XK: variants seen among roughly 807,000 people sequenced by gnomAD.
XK encodes endoplasmic reticulum membrane adapter protein XK.
In XK, 2 loss-of-function variants were observed where a neutral mutation model predicts 14.0. The ratio of observed to expected loss-of-function variants is 0.14; its 90% confidence interval spans 0.06 to 0.45. The LOEUF is 0.45. XK is among the 20% of genes least tolerant of loss of function. XK has a pLI of 0.98. For missense variants in XK, 235 were observed against 341.5 expected, an observed-to-expected ratio of 0.69 and a Z score of 2.46; for synonymous variants, 149 against 147.5, an observed-to-expected ratio of 1.01 and a Z score of -0.08.
At chrX:37,686,242 A>G (rs782622036) in intron 1 of XK, 36 bp downstream of exon 1, 2 of 1,197,311 alleles carry the variant, frequency 1.7e-6, no homozygotes, top group Admixed American at 4.4e-5. Context: ...CCCAGGCCGC[A>G]GCCTCGGTCC....
intron 2 of XK, among the ~76,000 whole-genome samples, chrX:37,702,104 G>A (rs1927428875): frequency 8.9e-6 from 1 of 111,801 alleles, no homozygotes; most frequent in South Asian, 3.7e-4. Flanking sequence ...GCCAGGGGAG[G>A]GGGTGCTGCT....
At chrX:37,687,834 T>A (rs1927114307) in intron 1 of XK, among the ~76,000 whole-genome samples, 2 of 110,425 alleles carry the variant, frequency 1.8e-5, no homozygotes, top group Non-Finnish European at 3.8e-5. Flanking sequence ...GGGAGGTTGC[T>A]GCTGACTTCT....
intron 2 of XK, among the ~76,000 whole-genome samples, chrX:37,704,176 A>G (rs1442761388): frequency 3.6e-5 from 4 of 111,534 alleles, no homozygotes; most frequent in Non-Finnish European, 7.5e-5. Flanking sequence ...TTCTTTGCTG[A>G]AGACAAAATC....
intron 2 of XK, among the ~76,000 whole-genome samples, chrX:37,710,583 G>T (rs1426153562): frequency 9.0e-6 from 1 of 111,410 alleles, no homozygotes; most frequent in Non-Finnish European, 1.9e-5. Context: ...ATTACCTGAG[G>T]TCAGGAGTTC....
intron 2 of XK, among the ~76,000 whole-genome samples, chrX:37,695,612 A>G (rs1239569460): frequency 8.9e-6 from 1 of 112,135 alleles, no homozygotes; most frequent in Non-Finnish European, 1.9e-5. Flanking sequence ...GAAAAAATAC[A>G]TGTTTAAGAA....
intron 2 of XK, among the ~76,000 whole-genome samples, chrX:37,705,354 A>C (rs1927500889): frequency 9.1e-6 from 1 of 109,879 alleles, no homozygotes; most frequent in Non-Finnish European, 1.9e-5. Flanking sequence ...TGGGAGGCTG[A>C]GGCAGGAGAA....
intron 2 of XK, among the ~76,000 whole-genome samples, chrX:37,698,543 CAAAAA>C (rs35497516): frequency 3.7e-5 from 1 of 26,990 alleles, no homozygotes; most frequent in Non-Finnish European, 7.0e-5. Context: ...GACCTTGCCT[CAAAAA>C]AAAAAAAAAA....
chrX:37,709,722 A>G (rs1250251668), intron 2 of XK, among the ~76,000 whole-genome samples: 1 of 112,461 alleles, frequency 8.9e-6, no homozygotes, highest in Non-Finnish European at 1.9e-5. Flanking sequence ...TATTCAATTT[A>G]TATAAGCAGT....
chrX:37,687,170 CTCTCTCTCTT>C lies in XK; in HGVS notation c.245+974_245+983del, dbSNP rs1231629464. 4.2e-4 allele frequency among the ~76,000 whole-genome samples: 43 copies of C among 103,385 alleles called. 1 individual carries two copies. Among genetic ancestry groups the C allele is most frequent in the Admixed American group, 3.9e-3 (37 of 9,550 alleles). The allele number at this position is 103,385 out of a possible 115,157, so 89.8% of individuals were successfully genotyped here. On this transcript the variant is annotated intron_variant, in intron 1 of 2. Transcript: ENST00000378616. ...GCCCTACCAGGAAATCTCTCTCTCT[CTCTCTCTCTT>C]TCTCTCTCTCTCTTACACACACACA... is the stretch of plus-strand genomic sequence containing the variant.
chrX:37,692,583 T>G (rs888599700), intron 1 of XK, among the ~76,000 whole-genome samples: 7 of 111,407 alleles, frequency 6.3e-5, no homozygotes, highest in African/African-American at 2.0e-4. Flanking sequence ...TAATTTTTAG[T>G]AGAGATGTGG....
chrX:37,694,239 G>A, intron 1 of XK, 47 bp from the exon 2 acceptor site: 1 of 1,206,199 alleles, frequency 8.3e-7, no homozygotes, highest in Non-Finnish European at 1.1e-6. Flanking sequence ...TGGAAAGTCA[G>A]AATCCTGTCT....
At chrX:37,703,160 A>G (rs1927446935) in intron 2 of XK, among the ~76,000 whole-genome samples, 1 of 112,343 alleles carries the variant, frequency 8.9e-6, no homozygotes, top group African/African-American at 3.2e-5. Context: ...ATCTAATGAA[A>G]AGCAGTAAAC....
At chrX:37,717,173 A>T (rs1480665436) in intron 2 of XK, among the ~76,000 whole-genome samples, 5 of 111,656 alleles carry the variant, frequency 4.5e-5, no homozygotes, top group Non-Finnish European at 9.4e-5. Flanking sequence ...TTTTAAGGGT[A>T]GCAGACTCCT....
At chrX:37,687,764 T>G (rs1927113163) in intron 1 of XK, among the ~76,000 whole-genome samples, 1 of 111,666 alleles carries the variant, frequency 9.0e-6, no homozygotes, top group South Asian at 3.8e-4. Context: ...AACAAATTTC[T>G]CAGCCTCCAG....
chrX:37,729,952 A>G lies in XK; in HGVS notation c.*1490A>G, dbSNP rs2146835894. 8.9e-6 allele frequency: 1 copy of G among 111,976 alleles called. No individual in the cohort carries two copies. The highest frequency in any genetic ancestry group is 3.8e-4 in the South Asian group (1 of 2,666). The allele number at this position is 111,976 out of a possible 1,213,427, so 9.2% of individuals were successfully genotyped here. On this transcript the variant is annotated 3_prime_UTR_variant, in exon 3 of 3. Coordinates refer to ENST00000378616, the MANE Select transcript of XK (RefSeq NM_021083.4). ...CAGGAGAAAATGCAATTTGATAATC[A>G]GTTTCCACTACATTCGGAGGTCAAG... is the stretch of plus-strand genomic sequence containing the variant.
intron 1 of XK, among the ~76,000 whole-genome samples, chrX:37,688,878 G>A (rs920634879): frequency 1.8e-5 from 2 of 111,689 alleles, no homozygotes; most frequent in Non-Finnish European, 3.8e-5. Flanking sequence ...GTGGGGTTAT[G>A]AGTGATAATA....
In XK at chrX:37,731,161, T is replaced by C. The variant is rs1928079447; in HGVS notation, c.*2699T>C. 1 of 112,438 alleles carries C rather than the reference T, an allele frequency of 8.9e-6. No homozygotes were observed. Among genetic ancestry groups the C allele is most frequent in the Admixed American group, 9.4e-5 (1 of 10,638 alleles). The allele number at this position is 112,438 out of a possible 1,213,427, so 9.3% of individuals were successfully genotyped here. ...TGGCATAAAACAAACCAGCAACTTT[T>C]CTCATGTGTTTGGAGTTAAAATGTG... is the stretch of plus-strand genomic sequence containing the variant. On this transcript the variant is annotated 3_prime_UTR_variant, in exon 3 of 3. Transcript: ENST00000378616.
intron 2 of XK, among the ~76,000 whole-genome samples, chrX:37,714,549 A>G (rs1193821627): frequency 9.0e-6 from 1 of 111,041 alleles, no homozygotes; most frequent in Non-Finnish European, 1.9e-5. Context: ...AGAGAATAGG[A>G]TCTTCTGTAA....
Position 37,728,223 on chromosome X carries a change from A to G in XK, c.1096A>G (p.Met366Val). Residue 366 changes from methionine (M) to valine (V), a missense_variant, in exon 3 of 3, where the codon ATG becomes GTG. Transcript: ENST00000378616. ...TGGGTACTGCACAGCCATTCTCTTC[A>G]TGCTTGTATTCTATCAGTTCTTCCA... ...LIGYCTAILF[M>V]LVFYQFFHPC... 1 of 1,211,084 alleles carries G rather than the reference A, an allele frequency of 8.3e-7. No homozygotes were observed. Among genetic ancestry groups the G allele is most frequent in the Non-Finnish European group, 1.1e-6 (1 of 895,293 alleles).
Sources: gnomAD v4.1 joint callset for allele counts (sites outside exome capture counted in the v4.1 genomes callset) on GRCh38, gnomAD v4.1.1 for gene constraint, MANE v1.5 for transcripts, NCBI Gene and HGNC (gene_info 2026-07-23, HGNC 2026-07-21) for gene names.